NPHP1: variants seen among roughly 807,000 people sequenced by gnomAD.
NPHP1 encodes nephrocystin-1.
NPHP1 carries 70 observed loss-of-function variants against 90.4 expected under a neutral mutation model. The ratio of observed to expected loss-of-function variants is 0.77; its 90% CI spans 0.64 to 0.95. The LOEUF is 0.95. Among genes scored for constraint, NPHP1 ranks in the 40% least tolerant of loss-of-function variants. The pLI is 0.00. For synonymous variants in NPHP1, 256 were observed against 271.7 expected (o/e 0.94, Z 0.57); for missense variants, 764 against 795.9 (o/e 0.96, Z 0.48).
intron 14 of NPHP1, among the ~76,000 whole-genome samples, chr2:110,145,951 A>G (rs963828359): frequency 6.6e-6 from 1 of 152,210 alleles, no homozygotes; most frequent in Admixed American, 6.5e-5. Flanking sequence ...AAGGCGCATT[A>G]TCTAAATTAA....
At chr2:110,159,032 GATC>G (rs1225748082) in intron 11 of NPHP1, among the ~76,000 whole-genome samples, 5 of 151,864 alleles carry the variant, frequency 3.3e-5, no homozygotes, top group African/African-American at 1.2e-4. Context: ...CTCTTAAGAT[GATC>G]ATATGATTTT....
At position 110,131,881 on chromosome 2, in the gene NPHP1, C is replaced by T. The variant is rs949878956; in HGVS notation, c.1530-90G>A. 2.4e-5 allele frequency: 21 copies of T among 872,518 alleles called. No homozygotes were observed. In the Admixed American group the frequency reaches 4.2e-4, roughly 17 times the overall value. 54.0% of individuals were successfully genotyped at this position (872,518 alleles called of 1,614,324 possible). A position where few individuals can be genotyped will look rare whatever the true frequency, so the allele number is the denominator to read the frequency against. On this transcript the variant is annotated intron_variant, in intron 16 of 19. Transcript: ENST00000445609. ...ATGTATATTACTTTAATAAACAGTC[C>T]CAAATTTTGCTTCATTACTGGAACA...
At chr2:110,151,680 A>C (rs1253236474) in intron 11 of NPHP1, among the ~76,000 whole-genome samples, 1 of 152,058 alleles carries the variant, frequency 6.6e-6, no homozygotes, top group Non-Finnish European at 1.5e-5. Context: ...GCTAATATAT[A>C]TATGTTTAAA....
chr2:110,158,112 A>G (rs1399742870), intron 11 of NPHP1, among the ~76,000 whole-genome samples: 1 of 151,990 alleles, frequency 6.6e-6, no homozygotes, highest in Non-Finnish European at 1.5e-5. Context: ...GTATTTTTCC[A>G]TTTATCTTCC....
At chr2:110,132,434 C>T (rs1220896420) in intron 16 of NPHP1, among the ~76,000 whole-genome samples, 1 of 152,138 alleles carries the variant, frequency 6.6e-6, no homozygotes, top group Non-Finnish European at 1.5e-5. Flanking sequence ...ACAGGTGAAT[C>T]ACTTGAGGTC....
chr2:110,197,567 C>G (rs1464927181), intron 2 of NPHP1, among the ~76,000 whole-genome samples: 1 of 152,114 alleles, frequency 6.6e-6, no homozygotes, highest in Non-Finnish European at 1.5e-5. Flanking sequence ...ATTTTATCCT[C>G]CCTTACCAGG....
chr2:110,139,773 A>C (rs1374749257), intron 16 of NPHP1, among the ~76,000 whole-genome samples: 1 of 152,192 alleles, frequency 6.6e-6, no homozygotes, highest in African/African-American at 2.4e-5. Context: ...ACAAAGGTGA[A>C]GTTTGTAAAG....
At chr2:110,190,813 TC>T (rs1684666415) in intron 2 of NPHP1, among the ~76,000 whole-genome samples, 2 of 152,040 alleles carry the variant, frequency 1.3e-5, no homozygotes, top group Non-Finnish European at 2.9e-5. Context: ...TTACAATCTA[TC>T]CATCTGATGA....
intron 4 of NPHP1, among the ~76,000 whole-genome samples, chr2:110,177,768 A>G (rs1056248601): frequency 6.6e-6 from 1 of 151,646 alleles, no homozygotes; most frequent in African/African-American, 2.4e-5. Flanking sequence ...TAATAGAGAC[A>G]GTGTCTCACT....
At chr2:110,125,165 G>A (rs1279876687) in intron 19 of NPHP1, 1 of 1,519,662 alleles carries the variant, frequency 6.6e-7, no homozygotes, top group East Asian at 2.5e-5. Context: ...AATCCTGGAT[G>A]AGAGCAGTCA....
intron 1 of NPHP1, 46 bp downstream of exon 1, chr2:110,204,848 GCTGCGT>G: frequency 1.3e-6 from 2 of 1,584,036 alleles, no homozygotes; most frequent in Non-Finnish European, 1.7e-6. Context: ...AGTGCGCGCA[GCTGCGT>G]CCGCCTGTCG....
chr2:110,185,054 G>A (rs1297306347), intron 2 of NPHP1: 2 of 598,906 alleles, frequency 3.3e-6, no homozygotes, highest in African/African-American at 1.8e-5. Context: ...TGCACCTCAG[G>A]AGAGACTGTA....
At chr2:110,146,354 T>G (rs1681046646) in intron 14 of NPHP1, among the ~76,000 whole-genome samples, 1 of 152,124 alleles carries the variant, frequency 6.6e-6, no homozygotes, top group African/African-American at 2.4e-5. Flanking sequence ...TGGTTGCCAC[T>G]GTGATTTCAA....
Position 110,161,707 on chromosome 2 carries a change from T to C in NPHP1, c.860-10A>G. 6.3e-7 allele frequency: 1 copy of C among 1,585,648 alleles called. No individual in the cohort carries two copies. The highest frequency in any genetic ancestry group is 1.1e-5 in the South Asian group (1 of 90,384). ...GCTCGAAATTGATTCCCTGAAAAAA[T>C]CATTTTTTCTTCATTTTCTTACAAA... is the stretch of plus-strand genomic sequence containing the variant. On this transcript the variant is annotated splice_polypyrimidine_tract_variant and intron_variant, in intron 9 of 19. Coordinates refer to ENST00000445609, the MANE Select transcript of NPHP1 (RefSeq NM_001128178.3).
rs1679257314 is a variant in NPHP1 at position 110,125,168 on chromosome 2, A to G, written c.1761+469T>C. On this transcript the variant is annotated intron_variant, in intron 19 of 19. Transcript: ENST00000445609. ...TCCCATTTGCCAAATCCTGGATGAG[A>G]GCAGTCAAACCACGACTCACCGATT... The G allele has an allele frequency of 3.3e-6, 5 of 1,521,174 alleles. No homozygotes were observed. In the South Asian group the frequency reaches 6.2e-5, roughly 19 times the overall value. The allele number at this position is 1,521,174 out of a possible 1,614,324, so 94.2% of individuals were successfully genotyped here. A position where few individuals can be genotyped will look rare whatever the true frequency, so the allele number is the denominator to read the frequency against.
At chr2:110,144,830 G>T (rs1420110604) in intron 14 of NPHP1, among the ~76,000 whole-genome samples, 4 of 151,820 alleles carry the variant, frequency 2.6e-5, no homozygotes, top group African/African-American at 7.3e-5. Context: ...TTGAAAATGA[G>T]AAAAATTAAT....
rs794726975 is a variant in NPHP1, at chr2:110,161,645, T to C, written c.912A>G (p.Gln304=). The C allele has an allele frequency of 6.2e-6, 10 of 1,613,250 alleles. No individual in the cohort carries two copies. The African/African-American group carries it at 1.1e-4, about 17-fold the overall frequency. The change falls in exon 10 of 20, where the codon CAA becomes CAG. Residue 304 remains glutamine, a synonymous_variant. Transcript: ENST00000445609. ...CCCACATCAGATCTCTGAAGGCCAG[T>C]TGTGAAGGCATGAGCTCTGGTTGTA... The part of the protein sequence containing the change: ...YFLQPELMPS[Q]LAFRDLMWDA...
intron 2 of NPHP1, among the ~76,000 whole-genome samples, chr2:110,200,323 G>T (rs551086296): frequency 1.3e-5 from 2 of 152,030 alleles, no homozygotes; most frequent in South Asian, 4.2e-4. Context: ...CAGCACTTTG[G>T]GAGGCCAAGG....
rs532059439 is a variant in NPHP1, at chr2:110,168,442, C to T, written c.624+10G>A. 5.7e-6 allele frequency: 9 copies of T among 1,575,316 alleles called. No homozygotes were observed. Among genetic ancestry groups the T allele is most frequent in the Non-Finnish European group, 6.1e-6 (7 of 1,145,636 alleles). On this transcript the variant is annotated intron_variant, in intron 6 of 19. Transcript: ENST00000445609. ...AGTCTTAGAAAAGGAAGGCATAAAC[C>T]AAGACTAACCTCTAGGTAGGTTCTG...
Sources: gnomAD v4.1 joint callset for allele counts (sites outside exome capture counted in the v4.1 genomes callset) on GRCh38, gnomAD v4.1.1 for gene constraint, MANE v1.5 for transcripts, NCBI Gene and HGNC (gene_info 2026-07-23, HGNC 2026-07-21) for gene names.